C4orf50: variants seen among roughly 807,000 people sequenced by gnomAD.
C4orf50 encodes the protein chromosome 4 open reading frame 50.
C4orf50 carries 80 observed loss-of-function variants against 77.2 expected under a neutral mutation model. The observed-to-expected ratio is 1.04, with a 90% CI of 0.87 to 1.25. C4orf50 has a LOEUF of 1.25. C4orf50 is among the 50% of genes most tolerant of loss of function. The pLI is 0.00. For synonymous variants in C4orf50, 532 were observed against 465.3 expected (o/e 1.14, Z -1.84); for missense variants, 1,257 against 1,152.9 (o/e 1.09, Z -1.31).
chr4:5,903,202 A>G (rs1055798855), intron 7 of C4orf50: 1 of 149,430 alleles, frequency 6.7e-6, no homozygotes, highest in African/African-American at 2.4e-5. Context: ...GACTGTGGCC[A>G]GGAAGATGGA....
At chr4:5,980,431 GTT>G (rs58696068) in intron 28 of C4orf50, 93 bp from the exon 7 acceptor site, 447 of 940,602 alleles carry the variant, frequency 4.8e-4, no homozygotes, top group African/African-American at 3.7e-3. Context: ...CCACTCCGTA[GTT>G]TTTTTTTTTG....
At chr4:5,929,383 C>T (rs990464855) in intron 7 of C4orf50, among the ~76,000 whole-genome samples, 122 of 152,310 alleles carry the variant, frequency 8.0e-4, no homozygotes, top group African/African-American at 2.9e-3. Flanking sequence ...CCAAACCCAA[C>T]AACCAAGGTA....
At chr4:5,931,875 T>C (rs934258176) in intron 7 of C4orf50, among the ~76,000 whole-genome samples, 1 of 152,060 alleles carries the variant, frequency 6.6e-6, no homozygotes, top group African/African-American at 2.4e-5. Flanking sequence ...CTTCTATTCA[T>C]TGATTCCAGA....
chr4:5,976,046 C>T (rs1191086834), intron 29 of C4orf50, 91 bp from the exon 8 acceptor site: 2 of 1,020,964 alleles, frequency 2.0e-6, no homozygotes, highest in Non-Finnish European at 3.1e-6. Flanking sequence ...GAACAGCTGG[C>T]AGTTGCCTGC....
At position 5,989,848 on chromosome 4, in the gene C4orf50, G is replaced by A. The variant is rs573711074; in HGVS notation, c.2198C>T (p.Pro733Leu). 23 of 1,463,904 alleles carry A rather than the reference G, an allele frequency of 1.6e-5. No homozygotes were observed. The Middle Eastern group carries it at 1.1e-3, about 71-fold the overall frequency. The allele number at this position is 1,463,904 out of a possible 1,614,324, so 90.7% of individuals were successfully genotyped here. ...CCCCAGACCGGATGCTTCTTGATGC[G>A]GCATCTCATCCTCTTCCTCTAGCCC... The change falls in exon 28 of 34, where the codon CCG becomes CTG. Residue 733 changes from proline to leucine, a missense_variant. By Grantham distance (98) the Pro-to-Leu change is moderately conservative (BLOSUM62 -3). Transcript: ENST00000531445.
intron 27 of C4orf50, among the ~76,000 whole-genome samples, chr4:5,991,880 G>A (rs1387938896): frequency 6.6e-6 from 1 of 152,188 alleles, no homozygotes; most frequent in East Asian, 1.9e-4. Flanking sequence ...CCCTGGAGCT[G>A]CCAGTGGGCA....
At chr4:6,004,656 T>C (rs1722165144) in intron 25 of C4orf50, among the ~76,000 whole-genome samples, 1 of 141,260 alleles carries the variant, frequency 7.1e-6, no homozygotes, top group Non-Finnish European at 1.5e-5. Flanking sequence ...GTGATTATGG[T>C]GATGATGTGA....
chr4:5,940,060 C>T (rs1221360768), intron 7 of C4orf50, among the ~76,000 whole-genome samples: 3 of 152,196 alleles, frequency 2.0e-5, no homozygotes, highest in African/African-American at 4.8e-5. Flanking sequence ...CGTGTTTCTC[C>T]CTTCATAAAT....
rs1257401752 is a variant in C4orf50 at position 6,014,643 on chromosome 4, ACCC to A, written c.288-2678_288-2676del. ...TCTGTGCTCAGAATTGTGCTTTCAG[ACCC>A]TGGCCTCAGCTTTTAGCAGCCCTGG... On this transcript the variant is annotated intron_variant, in intron 23 of 33. Coordinates refer to ENST00000531445, the Ensembl canonical transcript of C4orf50. 3.9e-5 allele frequency among the ~76,000 whole-genome samples: 6 copies of A among 152,236 alleles called. No homozygotes were observed. In the South Asian group the frequency reaches 6.2e-4, roughly 16 times the overall value.
rs370970757 is a variant in C4orf50, at chr4:5,987,686, G to C, written c.3699+661C>G. 2.0e-5 allele frequency among the ~76,000 whole-genome samples: 3 copies of C among 151,716 alleles called. No individual in the cohort carries two copies. The South Asian group carries it at 6.3e-4, about 32-fold the overall frequency. ...GGAAAGGAGGGAGAGAGGGTGGAGC[G>C]AGATGGGAGAGAGAAATAGAGATAG... is the stretch of plus-strand genomic sequence containing the variant. On this transcript the variant is annotated intron_variant, in intron 28 of 33. Coordinates refer to ENST00000531445, the Ensembl canonical transcript of C4orf50.
intron 7 of C4orf50, among the ~76,000 whole-genome samples, chr4:5,950,420 C>T (rs1267142367): frequency 6.6e-6 from 1 of 152,134 alleles, no homozygotes; most frequent in Non-Finnish European, 1.5e-5. Flanking sequence ...CGAGATTGTT[C>T]TTGAATTGGT....
intron 33 of C4orf50, 141 bp downstream of exon 11, chr4:5,964,883 G>A (rs1273383797): frequency 2.1e-5 from 14 of 652,836 alleles, no homozygotes; most frequent in African/African-American, 9.2e-5. Flanking sequence ...GGGGCTGTTC[G>A]GGAGTCGATT....
chr4:5,960,758 G>A (rs1156493835), intron 33 of C4orf50, among the ~76,000 whole-genome samples: 3 of 152,330 alleles, frequency 2.0e-5, no homozygotes, highest in East Asian at 1.9e-4. Flanking sequence ...GTCTGAGCTC[G>A]GCTTTTGGGG....
At chr4:5,964,929 G>A in intron 33 of C4orf50, 95 bp downstream of exon 11, 2 of 1,213,180 alleles carry the variant, frequency 1.6e-6, no homozygotes, top group Non-Finnish European at 2.3e-6. Context: ...GGCTTTCTGG[G>A]TGTATATCGC....
chr4:5,902,496 T>C (rs1218488784), intron 7 of C4orf50: 1 of 152,222 alleles, frequency 6.6e-6, no homozygotes, highest in African/African-American at 2.4e-5. Context: ...GGAAGAGGAT[T>C]TGGAACCCTT....
intron 7 of C4orf50, among the ~76,000 whole-genome samples, chr4:5,943,426 G>T (rs965644479): frequency 6.6e-6 from 1 of 152,190 alleles, no homozygotes; most frequent in African/African-American, 2.4e-5. Context: ...AGCACCAGGG[G>T]TGAACTCTGG....
At chr4:5,923,901 G>A (rs2108740030) in intron 7 of C4orf50, among the ~76,000 whole-genome samples, 1 of 152,334 alleles carries the variant, frequency 6.6e-6, no homozygotes, top group East Asian at 1.9e-4. Flanking sequence ...CTGATCAGCT[G>A]CCAGCGTCGC....
At chr4:5,988,685 G>A (rs1214766638) in exon 28 of C4orf50, 2 of 1,536,080 alleles carry the variant, frequency 1.3e-6, no homozygotes, top group African/African-American at 1.4e-5. Flanking sequence ...TTTCCCTGGA[G>A]GTGCTCCCTT....
intron 33 of C4orf50, among the ~76,000 whole-genome samples, chr4:5,962,830 G>A (rs1202043490): frequency 2.6e-5 from 4 of 152,140 alleles, no homozygotes. Context: ...TTTCGCTGCT[G>A]TTGCTATCAC....
Sources: allele counts gnomAD v4.1 joint callset (sites outside exome capture counted in the v4.1 genomes callset), GRCh38; gene constraint gnomAD v4.1.1; transcripts MANE v1.5; gene names NCBI Gene and HGNC (gene_info 2026-07-23, HGNC 2026-07-21).